The following HCLS1 variants were observed in gnomAD, a reference collection of about 807,000 sequenced individuals.
The protein encoded by HCLS1 is hematopoietic cell-specific Lyn substrate 1, also known as hematopoietic lineage cell-specific protein.
A neutral mutation model predicts 68.6 loss-of-function variants in HCLS1; 44 were observed. The ratio of observed to expected loss-of-function variants is 0.64; its 90% CI spans 0.50 to 0.82. The LOEUF (loss-of-function observed/expected upper bound fraction) is 0.82, where lower values mean the gene tolerates loss of function less well. HCLS1 is among the 40% of genes least tolerant of loss of function. The pLI is 0.00. For missense variants in HCLS1, 602 were observed against 612.1 expected (o/e 0.98, Z 0.17); for synonymous variants, 217 against 225.8 (o/e 0.96, Z 0.35).
At chr3:121,650,767 GC>G (rs1937732262) in intron 3 of HCLS1, among the ~76,000 whole-genome samples, 1 of 152,102 alleles carries the variant, frequency 6.6e-6, no homozygotes, top group Non-Finnish European at 1.5e-5. Context: ...TAAAGCATTA[GC>G]CCCATAAATT....
chr3:121,639,415 T>A (rs554284623), intron 6 of HCLS1, among the ~76,000 whole-genome samples: 141 of 152,340 alleles, frequency 9.3e-4, no homozygotes, highest in African/African-American at 3.4e-3. Context: ...AATAAAATTA[T>A]CTAGAAAATT....
Position 121,637,290 on chromosome 3 carries a change from C to A in HCLS1, c.455-34G>T, listed in dbSNP as rs371935774. 2.9e-5 allele frequency: 42 copies of A among 1,435,618 alleles called. No individual in the cohort carries two copies. The Admixed American group carries it at 3.5e-4, about 12-fold the overall frequency. 88.9% of individuals were successfully genotyped at this position (1,435,618 alleles called of 1,614,324 possible). A position where few individuals can be genotyped will look rare whatever the true frequency, so the allele number is the denominator to read the frequency against. ...GAAGGAGCAGTCATGAGAGCCCACCCTTAGGCTCCAGCACACAGGGAAGCG... is the reference window on the plus strand; with the variant it reads ...GAAGGAGCAGTCATGAGAGCCCACCATTAGGCTCCAGCACACAGGGAAGCG... On this transcript the variant is annotated intron_variant, in intron 6 of 13. Coordinates refer to ENST00000314583, the MANE Select transcript of HCLS1 (RefSeq NM_005335.6).
chr3:121,637,116 G>A (rs746254607), intron 7 of HCLS1, 30 bp downstream of exon 7: 1 of 1,451,388 alleles, frequency 6.9e-7, no homozygotes, highest in Non-Finnish European at 9.7e-7. Context: ...TGTGCTATCT[G>A]TGACCTTCCC....
chr3:121,657,877 T>G (rs566335864), intron 2 of HCLS1: 11 of 206,334 alleles, frequency 5.3e-5, no homozygotes, highest in Admixed American at 2.2e-4. Flanking sequence ...CTCTGAAACC[T>G]CCGTTCCTCC....
At chr3:121,636,333 C>G in intron 8 of HCLS1, 101 bp downstream of exon 8, 1 of 972,890 alleles carries the variant, frequency 1.0e-6, no homozygotes, top group South Asian at 1.4e-5. Context: ...GTGCCCAGCA[C>G]CACCGTCCCC....
chr3:121,632,306 C>T (rs754540495), intron 12 of HCLS1, 26 bp downstream of exon 12: 19 of 1,611,978 alleles, frequency 1.2e-5, no homozygotes, highest in Non-Finnish European at 1.5e-5. Flanking sequence ...TGAGCAAATT[C>T]TCCTGCTTCT....
At chr3:121,640,336 C>T (rs1329446099) in intron 6 of HCLS1, among the ~76,000 whole-genome samples, 2 of 152,128 alleles carry the variant, frequency 1.3e-5, no homozygotes, top group Non-Finnish European at 2.9e-5. Flanking sequence ...GAGGTACTTA[C>T]TAAACCCAGG....
At chr3:121,649,590 T>C (rs1937698486) in intron 3 of HCLS1, among the ~76,000 whole-genome samples, 1 of 152,152 alleles carries the variant, frequency 6.6e-6, no homozygotes, top group Admixed American at 6.6e-5. Flanking sequence ...CTAAACAACT[T>C]TTAAGTGTGA....
chr3:121,657,926 GC>G (rs1455627990), intron 2 of HCLS1: 1 of 268,394 alleles, frequency 3.7e-6, no homozygotes, highest in African/African-American at 2.2e-5. Flanking sequence ...GTCTCCTACA[GC>G]TTTTTAATCC....
At chr3:121,657,657 A>G (rs1413423932) in intron 2 of HCLS1, among the ~76,000 whole-genome samples, 1 of 152,088 alleles carries the variant, frequency 6.6e-6, no homozygotes, top group East Asian at 1.9e-4. Context: ...CTCTACCAAA[A>G]AAATACAAAA....
intron 5 of HCLS1, chr3:121,644,451 T>G: frequency 2.9e-6 from 1 of 347,750 alleles, no homozygotes; most frequent in South Asian, 2.3e-5. Flanking sequence ...ATGAATCTGT[T>G]TTCCTAAACG....
At chr3:121,647,481 T>A (rs770677587) in intron 3 of HCLS1, 33 bp from the exon 4 acceptor site, 1 of 1,610,062 alleles carries the variant, frequency 6.2e-7, no homozygotes, top group African/African-American at 1.3e-5. Flanking sequence ...GGCTCATCTA[T>A]CCTAGGGAGA....
At position 121,652,420 on chromosome 3, in the gene HCLS1, G is replaced by A. The variant is rs530978173; in HGVS notation, c.158+4859C>T. 3.9e-5 allele frequency among the ~76,000 whole-genome samples: 6 copies of A among 152,216 alleles called. No individual in the cohort carries two copies. The South Asian group carries it at 1.0e-3, about 26-fold the overall frequency. On this transcript the variant is annotated intron_variant, in intron 3 of 13. Transcript: ENST00000314583. ...TGTAATCCCAGCACTGTAGGAGGCC[G>A]AGGCAGGCGGATCACTTGAGGTCAG...
intron 10 of HCLS1, 107 bp from the exon 11 acceptor site, chr3:121,633,278 C>A: frequency 1.5e-6 from 1 of 689,582 alleles, no homozygotes. Context: ...TGCAGTGGTG[C>A]GATCTCAGCT....
rs778351044 is a variant in HCLS1, at chr3:121,657,310, T to C, written c.127A>G (p.Ile43Val). The C allele has an allele frequency of 1.2e-6, 2 of 1,613,972 alleles. No homozygotes were observed. The highest frequency in any genetic ancestry group is 2.7e-5 in the African/African-American group (2 of 74,908). Reference protein sequence around the residue: ...EKEQRWGAKTIEGSGRTEHIN... With the variant: ...EKEQRWGAKTVEGSGRTEHIN... Reference sequence around the variant, plus strand: ...TGTTCTGTGCGTCCAGACCCCTCGATGGTCTTGGCTCCCCATCGTTGCTCC... The same window carrying C: ...TGTTCTGTGCGTCCAGACCCCTCGACGGTCTTGGCTCCCCATCGTTGCTCC... The change falls in exon 3 of 14, where the codon ATC becomes GTC. Residue 43 changes from isoleucine to valine, a missense_variant. Ile to Val is a conservative substitution (Grantham distance 29). Coordinates refer to ENST00000314583, the MANE Select transcript of HCLS1 (RefSeq NM_005335.6).
chr3:121,632,183 T>A lies in HCLS1; in HGVS notation c.1242A>T (p.Gly414=), dbSNP rs2049104247. The A allele has an allele frequency of 6.2e-7, 1 of 1,613,774 alleles. No homozygotes were observed. Among genetic ancestry groups the A allele is most frequent in the Admixed American group, 1.7e-5 (1 of 59,980 alleles). Residue 414 remains glycine (G), a splice_region_variant and synonymous_variant, in exon 13 of 14, where the codon GGA becomes GGT. Transcript: ENST00000314583. ...CAGCCCCAGCCGGGCAGCCTGATGA[T>A]CCTGCATAATGAGAAACACAAACAT... ...EDSSFSSALA[G]SSGCPAGAGA...
chr3:121,636,366 G>A (rs1560138012), intron 8 of HCLS1, 68 bp downstream of exon 8: 10 of 1,311,712 alleles, frequency 7.6e-6, no homozygotes, highest in South Asian at 2.4e-5. Context: ...CCTTCTTCAC[G>A]CTCTTCTCTG....
intron 4 of HCLS1, 144 bp downstream of exon 4, chr3:121,647,175 G>C: frequency 1.3e-6 from 1 of 751,586 alleles, no homozygotes; most frequent in Non-Finnish European, 2.2e-6. Flanking sequence ...TAGAGATGGG[G>C]TTTCACCGTG....
At chr3:121,646,239 AT>A (rs944104806) in intron 4 of HCLS1, among the ~76,000 whole-genome samples, 1 of 109,062 alleles carries the variant, frequency 9.2e-6, no homozygotes, top group Non-Finnish European at 1.6e-5. Context: ...ATTTATATAT[AT>A]TTTATATATA....
Sources: gnomAD v4.1 joint callset for allele counts (sites outside exome capture counted in the v4.1 genomes callset) on GRCh38, gnomAD v4.1.1 for gene constraint, MANE v1.5 for transcripts, NCBI Gene and HGNC (gene_info 2026-07-23, HGNC 2026-07-21) for gene names.